Variants in KPNA6 observed in about 807,000 individuals in gnomAD.
The protein encoded by KPNA6 is karyopherin subunit alpha 6, also known as importin subunit alpha-7.
KPNA6 carries 9 observed loss-of-function variants against 72.0 expected under a neutral mutation model. The observed-to-expected ratio is 0.13, with a 90% CI of 0.08 to 0.22. The LOEUF is 0.22. KPNA6 is among the 10% of genes least tolerant of loss of function. The probability of loss-of-function intolerance (pLI) is 1.00; values close to 1 mark genes in which losing one functional copy is unlikely to be tolerated. For missense variants in KPNA6, 374 were observed against 655.7 expected (o/e 0.57, Z 4.69); for synonymous variants, 219 against 242.1 (o/e 0.90, Z 0.89).
intron 9 of KPNA6, 61 bp from the exon 10 acceptor site, chr1:32,163,174 G>C: frequency 9.4e-7 from 1 of 1,059,192 alleles, no homozygotes; most frequent in South Asian, 1.3e-5. Context: ...ACTAAAGAGA[G>C]AGAATCAGCA....
At chr1:32,155,130 AAAAG>A (rs1642114133) in intron 2 of KPNA6, among the ~76,000 whole-genome samples, 2 of 150,324 alleles carry the variant, frequency 1.3e-5, no homozygotes, top group African/African-American at 2.4e-5. Flanking sequence ...AAAAAAAAAA[AAAAG>A]AAAAGTAGCT....
At chr1:32,143,586 AG>A (rs201373965) in intron 1 of KPNA6, among the ~76,000 whole-genome samples, 3,565 of 119,128 alleles carry the variant, frequency 0.03, 201 homozygotes, top group African/African-American at 0.092. Flanking sequence ...AAAAAAAAAA[AG>A]AAAAGAAAAA....
intron 1 of KPNA6, among the ~76,000 whole-genome samples, chr1:32,131,688 G>A (rs1325042625): frequency 5.4e-5 from 8 of 147,666 alleles, no homozygotes; most frequent in African/African-American, 2.0e-4. Flanking sequence ...GTGTGCGTGT[G>A]TATATATATA....
intron 1 of KPNA6, chr1:32,143,086 T>A: frequency 2.0e-6 from 2 of 987,508 alleles, no homozygotes; most frequent in Middle Eastern, 2.4e-4. Context: ...TCTGTTAGTC[T>A]CACAGGGATA....
chr1:32,114,447 A>AT, intron 1 of KPNA6, among the ~76,000 whole-genome samples: 1 of 146,684 alleles, frequency 6.8e-6, no homozygotes, highest in Non-Finnish European at 1.5e-5. Flanking sequence ...GTCTCAAAAA[A>AT]AAAAATATAT....
chr1:32,166,088 T>G lies in KPNA6; in HGVS notation c.991-17T>G. The G allele has an allele frequency of 6.3e-7, 1 of 1,579,834 alleles. No homozygotes were observed. Among genetic ancestry groups the G allele is most frequent in the Non-Finnish European group, 8.6e-7 (1 of 1,169,446 alleles). ...AGTTTAATTTTTCTTTTGTTTCCTG[T>G]GCTTTTGGTGTTCTAGGTCATTCTT... On this transcript the variant is annotated splice_polypyrimidine_tract_variant and intron_variant, in intron 10 of 13. Transcript: ENST00000373625.
intron 1 of KPNA6, among the ~76,000 whole-genome samples, chr1:32,153,304 G>A (rs931577438): frequency 1.3e-5 from 2 of 152,086 alleles, no homozygotes; most frequent in African/African-American, 4.8e-5. Context: ...AGTGGCTCAT[G>A]CCTGTAATCC....
At chr1:32,125,656 T>C (rs74535954) in intron 1 of KPNA6, among the ~76,000 whole-genome samples, 12,476 of 152,246 alleles carry the variant, frequency 0.082, 743 homozygotes, top group South Asian at 0.25. Flanking sequence ...CTTAACTTTT[T>C]TTCTCCCTCG....
Position 32,146,075 on chromosome 1 carries a change from C to T in KPNA6, c.5-8513C>T, listed in dbSNP as rs965904704. Among the ~76,000 whole-genome samples the T allele has an allele frequency of 3.5e-4, 53 of 152,132 alleles. 1 individual carries two copies. The highest frequency in any genetic ancestry group is 1.2e-3 in the African/African-American group (48 of 41,424). ...ATACTTGAGAAGAATGTATATTCTG[C>T]TGTTATTGGGTGGAATGCCTTGTAT... On this transcript the variant is annotated intron_variant, in intron 1 of 13. Transcript: ENST00000373625.
At chr1:32,145,384 G>T (rs1273973676) in intron 1 of KPNA6, among the ~76,000 whole-genome samples, 19 of 151,180 alleles carry the variant, frequency 1.3e-4, no homozygotes, top group Non-Finnish European at 1.5e-5. Flanking sequence ...GAGTGCAGCA[G>T]CACGATCTCA....
rs1641379197 is a variant in KPNA6, at chr1:32,119,013, TATATATATA to T, written c.4+10880_4+10888del. 1.7e-4 allele frequency among the ~76,000 whole-genome samples: 13 copies of T among 75,758 alleles called. 2 individuals carry two copies. Among genetic ancestry groups the T allele is most frequent in the African/African-American group, 7.5e-4 (12 of 16,036 alleles). 49.7% of individuals were successfully genotyped at this position (75,758 alleles called of 152,430 possible). A position where few individuals can be genotyped will look rare whatever the true frequency, so the allele number is the denominator to read the frequency against. On this transcript the variant is annotated intron_variant, in intron 1 of 13. Transcript: ENST00000373625. ...GTGTGTATACATATATATATATATA[TATATATATA>T]TATATATATATTTTTTTTTTTTTTT... is the stretch of plus-strand genomic sequence containing the variant.
At chr1:32,115,455 G>T (rs1376126590) in intron 1 of KPNA6, among the ~76,000 whole-genome samples, 1 of 151,572 alleles carries the variant, frequency 6.6e-6, no homozygotes, top group Admixed American at 6.6e-5. Flanking sequence ...TTTAAGATAG[G>T]GTTTTTGTCT....
At chr1:32,137,228 G>A (rs1331046925) in intron 1 of KPNA6, among the ~76,000 whole-genome samples, 1 of 152,124 alleles carries the variant, frequency 6.6e-6, no homozygotes, top group Non-Finnish European at 1.5e-5. Context: ...CCAAGCTGGA[G>A]CACTGTGATA....
chr1:32,141,305 C>G (rs897838467), intron 1 of KPNA6, among the ~76,000 whole-genome samples: 1 of 143,252 alleles, frequency 7.0e-6, no homozygotes, highest in Non-Finnish European at 1.5e-5. Flanking sequence ...TTGCTACTCA[C>G]TAATGTGTGA....
chr1:32,117,938 T>C (rs1208399074), intron 1 of KPNA6, among the ~76,000 whole-genome samples: 2 of 152,130 alleles, frequency 1.3e-5, no homozygotes. Flanking sequence ...TTTTTTTTAA[T>C]TTGATATGGA....
intron 1 of KPNA6, among the ~76,000 whole-genome samples, chr1:32,134,698 A>C (rs1471300793): frequency 6.6e-6 from 1 of 151,866 alleles, no homozygotes; most frequent in Non-Finnish European, 1.5e-5. Flanking sequence ...ACATGGATGA[A>C]CCTCAAAATC....
chr1:32,146,690 C>G (rs1325917926), intron 1 of KPNA6, among the ~76,000 whole-genome samples: 7 of 152,212 alleles, frequency 4.6e-5, no homozygotes, highest in African/African-American at 1.7e-4. Context: ...TTATTTTATG[C>G]ATTTGTCTTT....
At chr1:32,164,563 G>GTT (rs58200020) in intron 10 of KPNA6, among the ~76,000 whole-genome samples, 1 of 145,352 alleles carries the variant, frequency 6.9e-6, no homozygotes, top group African/African-American at 2.5e-5. Context: ...TTTGTTTTTT[G>GTT]TTTTTTTTTT....
At chr1:32,143,590 A>G (rs1641878724) in intron 1 of KPNA6, among the ~76,000 whole-genome samples, 1 of 150,340 alleles carries the variant, frequency 6.7e-6, no homozygotes, top group Admixed American at 6.6e-5. Flanking sequence ...AAAAAAAGAA[A>G]AGAAAAAAAA....
Sources: allele counts gnomAD v4.1 joint callset (sites outside exome capture counted in the v4.1 genomes callset), GRCh38; gene constraint gnomAD v4.1.1; transcripts MANE v1.5; gene names NCBI Gene and HGNC (gene_info 2026-07-23, HGNC 2026-07-21).